ITGA11: variants seen among roughly 807,000 people sequenced by gnomAD.
ITGA11 encodes integrin subunit alpha 11.
In ITGA11, 97 loss-of-function variants were observed where a neutral mutation model predicts 141.9. The ratio of observed to expected loss-of-function variants is 0.68; its 90% CI spans 0.58 to 0.81. The LOEUF is 0.81. Among genes scored for constraint, ITGA11 ranks in the 30% least tolerant of loss-of-function variants. The probability of loss-of-function intolerance (pLI) is 0.00; values close to 1 mark genes in which losing one functional copy is unlikely to be tolerated. For missense variants in ITGA11, 1,387 were observed against 1,559.2 expected, an observed-to-expected ratio of 0.89 and a Z score of 1.86; for synonymous variants, 658 against 624.6, an observed-to-expected ratio of 1.05 and a Z score of -0.80.
chr15:68,389,483 G>T (rs1348604359), intron 2 of ITGA11, among the ~76,000 whole-genome samples: 2 of 152,226 alleles, frequency 1.3e-5, no homozygotes, highest in East Asian at 3.8e-4. Flanking sequence ...CCAGGCTCCT[G>T]CCCTGAGGCA....
chr15:68,320,180 C>A lies in ITGA11; in HGVS notation c.2616+5G>T. On this transcript the variant is annotated splice_donor_5th_base_variant and intron_variant, in intron 20 of 29. Transcript: ENST00000315757. ...GGCAGTCTGGGCAGGTCGCTGAGGT[C>A]TTACCTTCTGGATCAAGCTGGCAAA... 6.2e-7 allele frequency: 1 copy of A among 1,613,842 alleles called. No individual in the cohort carries two copies. Among genetic ancestry groups the A allele is most frequent in the South Asian group, 1.1e-5 (1 of 91,042 alleles).
At chr15:68,329,015 A>C (rs1337452661) in intron 15 of ITGA11, among the ~76,000 whole-genome samples, 1 of 152,236 alleles carries the variant, frequency 6.6e-6, no homozygotes, top group Admixed American at 6.5e-5. Context: ...GTATATAAAA[A>C]GAAATAGAAG....
At position 68,301,233 on chromosome 15, in the gene ITGA11, A is replaced by G. The variant is rs1893016535; in HGVS notation, c.*1826T>C. 1 of 152,174 alleles carries G rather than the reference A, an allele frequency of 6.6e-6. No individual in the cohort carries two copies. Among genetic ancestry groups the G allele is most frequent in the Non-Finnish European group, 1.5e-5 (1 of 68,044 alleles). The allele number at this position is 152,174 out of a possible 1,614,324, so 9.4% of individuals were successfully genotyped here. A position where few individuals can be genotyped will look rare whatever the true frequency, so the allele number is the denominator to read the frequency against. On this transcript the variant is annotated 3_prime_UTR_variant, in exon 30 of 30. Coordinates refer to ENST00000315757, the MANE Select transcript of ITGA11 (RefSeq NM_001004439.2). This position sits in a 1 kb window ranked among gnomAD's most constrained non-coding sequence, Gnocchi z 4.4. Reference sequence around the variant, plus strand: ...GAGCCTAGGGCTCTTCCTGGTTCTGAGTGTCCTCATTTATGCAAAAACAAG... The same window carrying G: ...GAGCCTAGGGCTCTTCCTGGTTCTGGGTGTCCTCATTTATGCAAAAACAAG...
chr15:68,385,098 C>T (rs941510969), intron 2 of ITGA11, among the ~76,000 whole-genome samples: 5 of 152,334 alleles, frequency 3.3e-5, no homozygotes, highest in South Asian at 4.1e-4. Context: ...CATAAGAACC[C>T]TTTGGGATTC....
At position 68,299,532 on chromosome 15, in the gene ITGA11, A is replaced by C. The variant is rs764539615; in HGVS notation, c.*3527T>G. On this transcript the variant is annotated 3_prime_UTR_variant, in exon 30 of 30. Coordinates refer to ENST00000315757, the MANE Select transcript of ITGA11 (RefSeq NM_001004439.2). ...GTTGAATAAAAACAGGGGACCATTC[A>C]TACTAATGGCTGTATTTAAGTCACC... The C allele has an allele frequency of 2.6e-5, 4 of 152,184 alleles. No individual in the cohort carries two copies. The highest frequency in any genetic ancestry group is 5.9e-5 in the Non-Finnish European group (4 of 68,030). The allele number at this position is 152,184 out of a possible 1,614,324, so 9.4% of individuals were successfully genotyped here. A position where few individuals can be genotyped will look rare whatever the true frequency, so the allele number is the denominator to read the frequency against.
chr15:68,379,967 G>T (rs935806357), intron 2 of ITGA11, among the ~76,000 whole-genome samples: 1 of 152,142 alleles, frequency 6.6e-6, no homozygotes, highest in Admixed American at 6.5e-5. Flanking sequence ...TGCTTGCTTT[G>T]GCTCATAAAT....
At position 68,331,318 on chromosome 15, in the gene ITGA11, G is replaced by A. The variant is rs181537257; in HGVS notation, c.1771-207C>T. Among the ~76,000 whole-genome samples, 10 of 152,124 alleles carry A rather than the reference G, an allele frequency of 6.6e-5. No homozygotes were observed. The East Asian group carries it at 1.9e-3, about 29-fold the overall frequency. ...AGTCATTCTTTTGGATTAAAATATC[G>A]TGTCTTAAAAGAGTTCCCCATTAAG... On this transcript the variant is annotated intron_variant, in intron 14 of 29. Transcript: ENST00000315757.
At chr15:68,399,917 T>TAAC (rs1454473115) in intron 2 of ITGA11, among the ~76,000 whole-genome samples, 2 of 152,238 alleles carry the variant, frequency 1.3e-5, no homozygotes, top group Admixed American at 1.3e-4. Flanking sequence ...TATACCCATG[T>TAAC]AACAAATCTG....
At chr15:68,405,718 T>C (rs1347005957) in intron 1 of ITGA11, among the ~76,000 whole-genome samples, 5 of 146,004 alleles carry the variant, frequency 3.4e-5, no homozygotes, top group African/African-American at 1.0e-4. Context: ...ACATGTGCAA[T>C]GTCACAGAGG....
chr15:68,337,431 C>T (rs1407802418), intron 11 of ITGA11, among the ~76,000 whole-genome samples: 1 of 152,188 alleles, frequency 6.6e-6, no homozygotes, highest in African/African-American at 2.4e-5. Flanking sequence ...TAGGGCTCCT[C>T]TCCCTTGAAA....
At chr15:68,381,987 G>A (rs1220745317) in intron 2 of ITGA11, among the ~76,000 whole-genome samples, 1 of 152,234 alleles carries the variant, frequency 6.6e-6, no homozygotes, top group Non-Finnish European at 1.5e-5. Context: ...ATGGAGTGCA[G>A]GAGCGCAGAG....
rs1479477106 is a variant in ITGA11, at chr15:68,304,769, G to A, written c.3382-884C>T. Among the ~76,000 whole-genome samples, 2 of 152,086 alleles carry A rather than the reference G, an allele frequency of 1.3e-5. No individual in the cohort carries two copies. The highest frequency in any genetic ancestry group is 2.4e-5 in the African/African-American group (1 of 41,388). On this transcript the variant is annotated intron_variant, in intron 28 of 29. Transcript: ENST00000315757. The surrounding 1 kb of genome is among the most constrained non-coding windows in gnomAD (Gnocchi z 6.1). ...GCAAATGGCAGCACTATCCCTCCGC[G>A]CTGCTCAGGCCAGAAGCCATGTATC...
chr15:68,425,865 C>T (rs1004973920), intron 1 of ITGA11, among the ~76,000 whole-genome samples: 15 of 152,236 alleles, frequency 9.9e-5, no homozygotes, highest in African/African-American at 3.6e-4. Context: ...GCTGCGCAGG[C>T]AGGAACCCCT....
At chr15:68,415,004 G>A (rs1896855373) in intron 1 of ITGA11, among the ~76,000 whole-genome samples, 1 of 152,156 alleles carries the variant, frequency 6.6e-6, no homozygotes, top group Admixed American at 6.5e-5. Flanking sequence ...GGAGAGGGAT[G>A]CATCCCTCCT....
At chr15:68,313,028 C>T (rs1279658053) in intron 23 of ITGA11, among the ~76,000 whole-genome samples, 165 bp from the exon 24 acceptor site, 1 of 152,174 alleles carries the variant, frequency 6.6e-6, no homozygotes, top group East Asian at 1.9e-4. Context: ...GGATTCTGAG[C>T]CTTTGCAGGA....
At chr15:68,430,721 G>T (rs912071001) in intron 1 of ITGA11, among the ~76,000 whole-genome samples, 2 of 152,192 alleles carry the variant, frequency 1.3e-5, no homozygotes, top group African/African-American at 4.8e-5. Context: ...CCTGGTGGCA[G>T]TTCTTCCCCT....
chr15:68,369,997 A>G (rs914183676), intron 2 of ITGA11, among the ~76,000 whole-genome samples: 3 of 152,306 alleles, frequency 2.0e-5, no homozygotes, highest in Admixed American at 6.5e-5. Flanking sequence ...GGGAGAAGAG[A>G]GACACGAGAA....
intron 1 of ITGA11, among the ~76,000 whole-genome samples, chr15:68,411,400 C>A (rs1214332276): frequency 2.6e-5 from 4 of 152,238 alleles, no homozygotes; most frequent in Admixed American, 2.6e-4. Flanking sequence ...ATGCCCTCTG[C>A]TCACTACAGA....
chr15:68,350,844 A>G, intron 8 of ITGA11, 62 bp from the exon 9 acceptor site: 1 of 1,539,436 alleles, frequency 6.5e-7, no homozygotes, highest in Non-Finnish European at 8.8e-7. Context: ...CCCATACACC[A>G]CACGGCCTAG....
Sources: gnomAD v4.1 joint callset for allele counts (sites outside exome capture counted in the v4.1 genomes callset) on GRCh38, gnomAD v4.1.1 for gene constraint, Gnocchi (gnomAD v3.1) non-coding constraint, MANE v1.5 for transcripts, NCBI Gene and HGNC (gene_info 2026-07-23, HGNC 2026-07-21) for gene names.